ANKS6: variants seen among roughly 807,000 people sequenced by gnomAD.
ANKS6 encodes the protein ankyrin repeat and SAM domain-containing protein 6.
A neutral mutation model predicts 77.9 loss-of-function variants in ANKS6; 47 were observed. That is an observed-to-expected ratio of 0.60 (90% CI 0.48 to 0.77). The LOEUF is 0.77. ANKS6 is among the 30% of genes least tolerant of loss of function. The probability of loss-of-function intolerance (pLI) is 0.00; values close to 1 mark genes in which losing one functional copy is unlikely to be tolerated. For missense variants in ANKS6, 1,150 were observed against 1,159.1 expected (o/e 0.99, Z 0.11); for synonymous variants, 488 against 501.7 (o/e 0.97, Z 0.37).
At chr9:98,782,842 G>A (rs1449186707) in intron 4 of ANKS6, among the ~76,000 whole-genome samples, 1 of 152,116 alleles carries the variant, frequency 6.6e-6, no homozygotes, top group African/African-American at 2.4e-5. Context: ...CATCACTTTG[G>A]GAAGCCAAGG....
chr9:98,795,914 C>T (rs1392810919), intron 1 of ANKS6: 2 of 439,888 alleles, frequency 4.5e-6, no homozygotes, highest in Non-Finnish European at 7.4e-6. Flanking sequence ...AGATTCTATT[C>T]TGAAAGGCCA....
In ANKS6 at chr9:98,732,760, T is replaced by C; in HGVS notation, c.*3759A>G. Reference sequence around the variant, plus strand: ...AAGGGAAGAAGAAACGTGCTCAACATCACGCAGCACTAGGTCTATGTCCAG... The same window carrying C: ...AAGGGAAGAAGAAACGTGCTCAACACCACGCAGCACTAGGTCTATGTCCAG... On this transcript the variant is annotated 3_prime_UTR_variant, in exon 15 of 15. Transcript: ENST00000353234. 1 of 1,419,836 alleles carries C rather than the reference T, an allele frequency of 7.0e-7. No individual in the cohort carries two copies. 88.0% of individuals were successfully genotyped at this position (1,419,836 alleles called of 1,614,324 possible).
chr9:98,764,329 T>C (rs1212591614), intron 11 of ANKS6, among the ~76,000 whole-genome samples: 1 of 152,236 alleles, frequency 6.6e-6, no homozygotes, highest in Admixed American at 6.5e-5. Flanking sequence ...TACATTCTTT[T>C]TGGTATTTAC....
At chr9:98,780,689 T>G (rs1834198311) in intron 5 of ANKS6, among the ~76,000 whole-genome samples, 1 of 152,234 alleles carries the variant, frequency 6.6e-6, no homozygotes, top group Non-Finnish European at 1.5e-5. Flanking sequence ...AGCCTCTTTG[T>G]GCGTCTGTAC....
At chr9:98,789,069 A>G (rs1834739780) in intron 2 of ANKS6, among the ~76,000 whole-genome samples, 1 of 146,114 alleles carries the variant, frequency 6.8e-6, no homozygotes, top group African/African-American at 2.5e-5. Context: ...TATTTCTAAT[A>G]AGCATTTACC....
intron 11 of ANKS6, among the ~76,000 whole-genome samples, chr9:98,759,060 T>C (rs1323296545): frequency 2.0e-5 from 3 of 152,214 alleles, no homozygotes; most frequent in Non-Finnish European, 4.4e-5. Context: ...TTTGTTTTTT[T>C]TAATTTGCAT....
chr9:98,778,650 C>G (rs1328374627), intron 6 of ANKS6, among the ~76,000 whole-genome samples: 2 of 152,230 alleles, frequency 1.3e-5, no homozygotes, highest in Non-Finnish European at 2.9e-5. Flanking sequence ...TTCCAATAGC[C>G]TGGAGGTGGC....
intron 11 of ANKS6, 123 bp from the exon 12 acceptor site, chr9:98,756,726 A>T: frequency 2.4e-6 from 2 of 819,620 alleles, no homozygotes; most frequent in Non-Finnish European, 3.4e-6. Flanking sequence ...AACCAAGACT[A>T]TGAAATCTAC....
At chr9:98,789,109 C>T (rs1834743362) in intron 2 of ANKS6, among the ~76,000 whole-genome samples, 1 of 148,014 alleles carries the variant, frequency 6.8e-6, no homozygotes. Flanking sequence ...ATTGATGGGG[C>T]TATTCTATAT....
At chr9:98,777,521 T>TG in intron 7 of ANKS6, 67 bp from the exon 8 acceptor site, 1 of 1,498,242 alleles carries the variant, frequency 6.7e-7, no homozygotes. Context: ...GATGAGTGAC[T>TG]GGGGCAGGCT....
chr9:98,734,189 G>A lies in ANKS6; in HGVS notation c.*2330C>T, dbSNP rs1222546428. 10 of 985,322 alleles carry A rather than the reference G, an allele frequency of 1.0e-5. No homozygotes were observed. The highest frequency in any genetic ancestry group is 1.7e-5 in the African/African-American group (1 of 57,218). The allele number at this position is 985,322 out of a possible 1,614,324, so 61.0% of individuals were successfully genotyped here. A position where few individuals can be genotyped will look rare whatever the true frequency, so the allele number is the denominator to read the frequency against. ...AACCAGCACACAAACTTCCTAGGAT[G>A]AAAAGCCTTGGACACTTGAGTCCAG... On this transcript the variant is annotated 3_prime_UTR_variant, in exon 15 of 15. Coordinates refer to ENST00000353234, the MANE Select transcript of ANKS6 (RefSeq NM_173551.5).
chr9:98,734,339 C>T lies in ANKS6; in HGVS notation c.*2180G>A. On this transcript the variant is annotated 3_prime_UTR_variant, in exon 15 of 15. Coordinates refer to ENST00000353234, the MANE Select transcript of ANKS6 (RefSeq NM_173551.5). ...GGTCTACATTTGTGAAAAGGTGACC[C>T]CCCGGTGCAGCTGTGTATCATTGTT... The T allele has an allele frequency of 4.1e-6, 4 of 985,424 alleles. No homozygotes were observed. The highest frequency in any genetic ancestry group is 4.8e-6 in the Non-Finnish European group (4 of 829,986). The allele number at this position is 985,424 out of a possible 1,614,324, so 61.0% of individuals were successfully genotyped here.
chr9:98,779,725 G>A (rs1184121565), intron 6 of ANKS6, among the ~76,000 whole-genome samples: 6 of 151,834 alleles, frequency 4.0e-5, no homozygotes, highest in African/African-American at 9.7e-5. Flanking sequence ...GTGCAGTGGC[G>A]CGATCTCGAC....
intron 3 of ANKS6, chr9:98,784,544 C>A: frequency 2.3e-6 from 1 of 434,498 alleles, no homozygotes; most frequent in Non-Finnish European, 4.1e-6. Context: ...CTCTTTGTCA[C>A]AAAGAGACTG....
chr9:98,776,686 C>T (rs1467177758), intron 8 of ANKS6, among the ~76,000 whole-genome samples: 2 of 152,228 alleles, frequency 1.3e-5, no homozygotes, highest in Non-Finnish European at 2.9e-5. Flanking sequence ...CAGGCATGAG[C>T]TACTGTGCGT....
chr9:98,748,941 T>C (rs1003902000), intron 13 of ANKS6, among the ~76,000 whole-genome samples: 2 of 152,290 alleles, frequency 1.3e-5, no homozygotes, highest in Admixed American at 6.5e-5. Context: ...ATGGGGATAA[T>C]TGTTTACTGT....
In ANKS6 at chr9:98,763,547, A is replaced by G. The variant is rs960902981; in HGVS notation, c.2142+4534T>C. On this transcript the variant is annotated intron_variant, in intron 11 of 14. Coordinates refer to ENST00000353234, the MANE Select transcript of ANKS6 (RefSeq NM_173551.5). The stretch of plus-strand genomic sequence containing the variant: ...ATTAGAAAAAAAGAAAGATCTCTAA[A>G]CTGTAATCTAAGCTTCCACCATAAG... Among the ~76,000 whole-genome samples the G allele has an allele frequency of 2.0e-5, 3 of 152,002 alleles. No homozygotes were observed. In the East Asian group the frequency reaches 5.8e-4, roughly 29 times the overall value.
At position 98,739,234 on chromosome 9, in the gene ANKS6, T is replaced by C. The variant is rs549594228; in HGVS notation, c.2512-2611A>G. The stretch of plus-strand genomic sequence containing the variant: ...ACCACTGCGAAAGAACTTACTCATG[T>C]AACTAAACACCACCTGTTCCCCAAT... On this transcript the variant is annotated intron_variant, in intron 14 of 14. Transcript: ENST00000353234. 2.0e-5 allele frequency among the ~76,000 whole-genome samples: 3 copies of C among 152,250 alleles called. No individual in the cohort carries two copies. The South Asian group carries it at 6.2e-4, about 32-fold the overall frequency.
chr9:98,733,348 T>C lies in ANKS6; in HGVS notation c.*3171A>G. The C allele has an allele frequency of 2.0e-6, 2 of 985,468 alleles. No individual in the cohort carries two copies. The highest frequency in any genetic ancestry group is 2.4e-6 in the Non-Finnish European group (2 of 829,980). The allele number at this position is 985,468 out of a possible 1,614,324, so 61.0% of individuals were successfully genotyped here. On this transcript the variant is annotated 3_prime_UTR_variant, in exon 15 of 15. Transcript: ENST00000353234. ...CACGACACACCAGCAAGACACTGCC[T>C]GGGTGCTGGGAAACAATGCCCTCCA... is the stretch of plus-strand genomic sequence containing the variant.
Sources: allele counts gnomAD v4.1 joint callset (sites outside exome capture counted in the v4.1 genomes callset), GRCh38; gene constraint gnomAD v4.1.1; transcripts MANE v1.5; gene names NCBI Gene and HGNC (gene_info 2026-07-23, HGNC 2026-07-21).